Variants in ZFP37 observed in about 807,000 individuals in gnomAD.
ZFP37 encodes zinc finger protein 37 homolog.
Under a neutral mutation model 52.1 loss-of-function variants are expected in ZFP37, and 38 were observed. The ratio of observed to expected loss-of-function variants is 0.73; its 90% CI spans 0.56 to 0.96. The LOEUF (loss-of-function observed/expected upper bound fraction) is 0.96, where lower values mean the gene tolerates loss of function less well. Among genes scored for constraint, ZFP37 ranks in the 40% least tolerant of loss-of-function variants. ZFP37 has a pLI of 0.00. For synonymous variants in ZFP37, 253 were observed against 259.5 expected, an observed-to-expected ratio of 0.98 and a Z score of 0.24; for missense variants, 695 against 741.4, an observed-to-expected ratio of 0.94 and a Z score of 0.73.
chr9:113,049,339 A>G lies in ZFP37; in HGVS notation c.349+23T>C, dbSNP rs762312057. On this transcript the variant is annotated intron_variant, in intron 3 of 3. Transcript: ENST00000374227. ...AATTTCAGAATAAATTATTTGCTGAAAAATTTCAAAGTTACAACTTACTTC... is the reference window on the plus strand; with the variant it reads ...AATTTCAGAATAAATTATTTGCTGAGAAATTTCAAAGTTACAACTTACTTC... 6 of 1,607,584 alleles carry G rather than the reference A, an allele frequency of 3.7e-6. No individual in the cohort carries two copies. In the Admixed American group the frequency reaches 1.0e-4, roughly 27 times the overall value.
rs1416126612 is a variant in ZFP37, at chr9:113,041,375, C to T, written c.*1350G>A. ...GATTCTGAGGCCAACTCTGGGTTCACTCAGAAAGAGTACAGTGATCCAGTA... is the reference window on the plus strand; with the variant it reads ...GATTCTGAGGCCAACTCTGGGTTCATTCAGAAAGAGTACAGTGATCCAGTA... On this transcript the variant is annotated 3_prime_UTR_variant, in exon 4 of 4. Transcript: ENST00000374227. The T allele has an allele frequency of 2.0e-5, 3 of 152,186 alleles. No homozygotes were observed. The highest frequency in any genetic ancestry group is 1.3e-4 in the Admixed American group (2 of 15,278). 9.4% of individuals were successfully genotyped at this position (152,186 alleles called of 1,614,324 possible). A position where few individuals can be genotyped will look rare whatever the true frequency, so the allele number is the denominator to read the frequency against.
Position 113,043,567 on chromosome 9 carries a change from A to C in ZFP37, c.1051T>G (p.Cys351Gly). Reference sequence around the variant, plus strand: ...CCATGGGCTTTGCCACACTGAATACATTCATATGGTTTTTCTCCGGTGTGA... The same window carrying C: ...CCATGGGCTTTGCCACACTGAATACCTTCATATGGTTTTTCTCCGGTGTGA... ...RTHTGEKPYE[C>G]IQCGKAHGHK... is the part of the protein sequence containing the mutation. The change falls in exon 4 of 4, where the codon TGT becomes GGT. Residue 351 changes from cysteine (C) to glycine (G), a missense_variant. Physicochemically the swap from Cys to Gly is radical, Grantham distance 159 (BLOSUM62 -3). Transcript: ENST00000374227. 1 of 1,614,044 alleles carries C rather than the reference A, an allele frequency of 6.2e-7. No individual in the cohort carries two copies. The highest frequency in any genetic ancestry group is 8.5e-7 in the Non-Finnish European group (1 of 1,179,948).
At position 113,043,880 on chromosome 9, in the gene ZFP37, G is replaced by C. The variant is rs1828903615; in HGVS notation, c.738C>G (p.Gly246=). 1 of 1,613,892 alleles carries C rather than the reference G, an allele frequency of 6.2e-7. No homozygotes were observed. The highest frequency in any genetic ancestry group is 8.5e-7 in the Non-Finnish European group (1 of 1,179,920). The part of the protein sequence containing the change: ...HSSSDKCNKT[G]KKHDKLCCHS... The stretch of plus-strand genomic sequence containing the variant: ...GACAGCATAATTTGTCATGTTTTTT[G>C]CCAGTTTTGTTACACTTATCAGATG... Residue 246 remains glycine (G), a synonymous_variant, in exon 4 of 4, where the codon GGC becomes GGG. Coordinates refer to ENST00000374227, the MANE Select transcript of ZFP37 (RefSeq NM_003408.3).
rs1829077197 is a variant in ZFP37, at chr9:113,052,677, C to T, written c.133-2805G>A. ...AGACCAGTACTGCCTAGGGGTTTCA[C>T]TGGGGGCTGGTCAAGTAGGCACTCT... On this transcript the variant is annotated intron_variant, in intron 1 of 3. Transcript: ENST00000374227. This position sits in a 1 kb window ranked among gnomAD's most constrained non-coding sequence, Gnocchi z 4.1. 6.6e-6 allele frequency among the ~76,000 whole-genome samples: 1 copy of T among 152,164 alleles called. No individual in the cohort carries two copies. Among genetic ancestry groups the T allele is most frequent in the Non-Finnish European group, 1.5e-5 (1 of 68,012 alleles).
In ZFP37 at chr9:113,041,471, G is replaced by T. The variant is rs1828845502; in HGVS notation, c.*1254C>A. On this transcript the variant is annotated 3_prime_UTR_variant, in exon 4 of 4. Transcript: ENST00000374227. ...TTCATTCGAATTCCCTGATTGAGGT[G>T]TTTGTGTGTTAGTTCTTTGAATATG... is the stretch of plus-strand genomic sequence containing the variant. 1 of 152,176 alleles carries T rather than the reference G, an allele frequency of 6.6e-6. No homozygotes were observed. The highest frequency in any genetic ancestry group is 6.5e-5 in the Admixed American group (1 of 15,282). 9.4% of individuals were successfully genotyped at this position (152,176 alleles called of 1,614,324 possible). A position where few individuals can be genotyped will look rare whatever the true frequency, so the allele number is the denominator to read the frequency against.
At chr9:113,054,709 C>T (rs75594843) in intron 1 of ZFP37, among the ~76,000 whole-genome samples, 1 of 152,270 alleles carries the variant, frequency 6.6e-6, no homozygotes, top group Non-Finnish European at 1.5e-5. Flanking sequence ...ATGTAAATCT[C>T]GATTCTTCTC....
At chr9:113,053,777 G>A (rs1430355865) in intron 1 of ZFP37, among the ~76,000 whole-genome samples, 4 of 152,264 alleles carry the variant, frequency 2.6e-5, no homozygotes, top group Non-Finnish European at 4.4e-5. Flanking sequence ...AAAATGGAAA[G>A]TCTTCCTTCT....
At chr9:113,056,525 G>T (rs771443831) in intron 1 of ZFP37, 32 bp downstream of exon 1, 3 of 1,607,538 alleles carry the variant, frequency 1.9e-6, no homozygotes, top group South Asian at 1.1e-5. Flanking sequence ...ATCTCTGACC[G>T]CCAAAACACC....
chr9:113,045,829 G>C (rs1353667503), intron 3 of ZFP37, among the ~76,000 whole-genome samples: 1 of 152,140 alleles, frequency 6.6e-6, no homozygotes, highest in African/African-American at 2.4e-5. Flanking sequence ...CCACCATTTA[G>C]GGGTGTCATT....
In ZFP37 at chr9:113,044,985, A is replaced by G. The variant is rs548820326; in HGVS notation, c.350-717T>C. On this transcript the variant is annotated intron_variant, in intron 3 of 3. Coordinates refer to ENST00000374227, the MANE Select transcript of ZFP37 (RefSeq NM_003408.3). ...TAGTTCCTTCCTAGTTCCTATTTCT[A>G]GTCCCTGGTGAGGACTGGCTGAACT... 1.2e-3 allele frequency among the ~76,000 whole-genome samples: 185 copies of G among 152,132 alleles called. 1 individual carries two copies. The highest frequency in any genetic ancestry group is 4.4e-3 in the African/African-American group (181 of 41,528).
Position 113,052,211 on chromosome 9 carries a change from C to T in ZFP37, c.133-2339G>A, listed in dbSNP as rs1014190924. ...CATGCTTCACCTGAAATCTACCTGT[C>T]TCCTGAGGATCCTGCTTCCTTATAG... On this transcript the variant is annotated intron_variant, in intron 1 of 3. Transcript: ENST00000374227. The surrounding 1 kb of genome is among the most constrained non-coding windows in gnomAD (Gnocchi z 4.1). Among the ~76,000 whole-genome samples the T allele has an allele frequency of 6.6e-6, 1 of 152,182 alleles. No homozygotes were observed. Among genetic ancestry groups the T allele is most frequent in the Non-Finnish European group, 1.5e-5 (1 of 68,038 alleles).
rs554646797 is a variant in ZFP37 at position 113,044,258 on chromosome 9, T to C, written c.360A>G (p.Lys120=). The C allele has an allele frequency of 6.4e-7, 1 of 1,558,184 alleles. No individual in the cohort carries two copies. Among genetic ancestry groups the C allele is most frequent in the East Asian group, 2.3e-5 (1 of 44,412 alleles). ...KQKETDGKVQ[K]DDDQLENIQK... Reference sequence around the variant, plus strand: ...GGATATTTTCAAGCTGGTCATCATCTTTCTGGACTTCTAAAATGGAATTCA... The same window carrying C: ...GGATATTTTCAAGCTGGTCATCATCCTTCTGGACTTCTAAAATGGAATTCA... The change falls in exon 4 of 4, where the codon AAA becomes AAG. Residue 120 remains lysine (K), a synonymous_variant. Coordinates refer to ENST00000374227, the MANE Select transcript of ZFP37 (RefSeq NM_003408.3).
At chr9:113,049,610 T>C in intron 2 of ZFP37, 114 bp from the exon 3 acceptor site, 1 of 1,462,082 alleles carries the variant, frequency 6.8e-7, no homozygotes, top group Admixed American at 2.4e-5. Context: ...TTTCACAATA[T>C]GAATGCCAGG....
rs935258667 is a variant in ZFP37, at chr9:113,041,727, A to T, written c.*998T>A. ...TTCATCATCATTCATGAATAAGCAT[A>T]CAAAGATTTTAACTCTGTCAAAATC... On this transcript the variant is annotated 3_prime_UTR_variant, in exon 4 of 4. Transcript: ENST00000374227. The T allele has an allele frequency of 3.3e-5, 5 of 152,248 alleles. No homozygotes were observed. The highest frequency in any genetic ancestry group is 1.2e-4 in the African/African-American group (5 of 41,456). The allele number at this position is 152,248 out of a possible 1,614,324, so 9.4% of individuals were successfully genotyped here.
At position 113,043,296 on chromosome 9, in the gene ZFP37, G is replaced by C. The variant is rs750871901; in HGVS notation, c.1322C>G (p.Ala441Gly). The part of the protein sequence containing the change: ...IPYECNECGK[A>G]FKYSSSLTKH... ...AGTAAGGGATGAGCTATACTTAAAGGCTTTTCCACATTCATTGCATTCATA... is the reference window on the plus strand; with the variant it reads ...AGTAAGGGATGAGCTATACTTAAAGCCTTTTCCACATTCATTGCATTCATA... The change falls in exon 4 of 4, where the codon GCC (alanine) becomes GGC (glycine). Residue 441 changes from alanine (A) to glycine (G), a missense_variant. Ala to Gly is a moderately conservative substitution (Grantham distance 60, BLOSUM62 0). Transcript: ENST00000374227. 6.2e-6 allele frequency: 10 copies of C among 1,613,908 alleles called. No individual in the cohort carries two copies. The highest frequency in any genetic ancestry group is 8.5e-6 in the Non-Finnish European group (10 of 1,179,940).
chr9:113,051,048 G>A (rs1829048733), intron 1 of ZFP37, among the ~76,000 whole-genome samples: 1 of 152,052 alleles, frequency 6.6e-6, no homozygotes, highest in Non-Finnish European at 1.5e-5. Flanking sequence ...AGGAAAAGCA[G>A]CAGAAAAAGA....
At chr9:113,049,978 A>G in intron 1 of ZFP37, 106 bp from the exon 2 acceptor site, 1 of 1,553,288 alleles carries the variant, frequency 6.4e-7, no homozygotes, top group Non-Finnish European at 8.7e-7. Context: ...GATTTGGACA[A>G]GATAATAATT....
Position 113,043,843 on chromosome 9 carries a change from G to A in ZFP37, c.775C>T (p.His259Tyr), listed in dbSNP as rs1487931513. 1.2e-6 allele frequency: 2 copies of A among 1,613,994 alleles called. No homozygotes were observed. Among genetic ancestry groups the A allele is most frequent in the East Asian group, 2.2e-5 (1 of 44,868 alleles). The change falls in exon 4 of 4, where the codon CAT (histidine) becomes TAT (tyrosine). Residue 259 changes from histidine (H) to tyrosine (Y), a missense_variant. His to Tyr is a moderately conservative substitution (Grantham distance 83, BLOSUM62 2). Coordinates refer to ENST00000374227, the MANE Select transcript of ZFP37 (RefSeq NM_003408.3). Reference sequence around the variant, plus strand: ...GTTTGAATTTTGTCCTGTTTAATATGGGATGAACTATGACAGCATAATTTG... The same window carrying A: ...GTTTGAATTTTGTCCTGTTTAATATAGGATGAACTATGACAGCATAATTTG... ...HDKLCCHSSS[H>Y]IKQDKIQTGE...
At chr9:113,056,437 C>G in intron 1 of ZFP37, 120 bp downstream of exon 1, 1 of 1,490,848 alleles carries the variant, frequency 6.7e-7, no homozygotes, top group Non-Finnish European at 9.0e-7. Context: ...TCCCAAAAGA[C>G]CATCTAGCAT....
Sources: allele counts gnomAD v4.1 joint callset (sites outside exome capture counted in the v4.1 genomes callset), GRCh38; gene constraint gnomAD v4.1.1; non-coding constraint Gnocchi (gnomAD v3.1); transcripts MANE v1.5; gene names NCBI Gene and HGNC (gene_info 2026-07-23, HGNC 2026-07-21).